HYCC1: variants seen among roughly 807,000 people sequenced by gnomAD.
HYCC1 encodes hyccin.
chr7:23,007,721 T>C, the HYCC1 span, among the ~76,000 whole-genome samples: 1 of 152,148 alleles, frequency 6.6e-6, no homozygotes, highest in Non-Finnish European at 1.5e-5. Context: ...AATATAGCAC[T>C]ATTTTAAAGA....
the HYCC1 span, among the ~76,000 whole-genome samples, chr7:22,951,019 C>CACATGGG: frequency 6.6e-6 from 1 of 151,782 alleles, no homozygotes; most frequent in Admixed American, 6.6e-5. Context: ...GTAAACTCTC[C>CACATGGG]ACATGTAGAA....
At chr7:22,970,751 A>C in the HYCC1 span, among the ~76,000 whole-genome samples, 1 of 152,166 alleles carries the variant, frequency 6.6e-6, no homozygotes, top group Non-Finnish European at 1.5e-5. Context: ...CCTATCTTCA[A>C]GGATATTGTT....
the HYCC1 span, among the ~76,000 whole-genome samples, chr7:22,993,541 AATT>A: frequency 6.6e-6 from 1 of 152,202 alleles, no homozygotes; most frequent in African/African-American, 2.4e-5. Flanking sequence ...GGAACTCATA[AATT>A]ATTAAGAAAA....
At chr7:22,906,460 C>A in the HYCC1 span, among the ~76,000 whole-genome samples, 1 of 151,860 alleles carries the variant, frequency 6.6e-6, no homozygotes, top group Non-Finnish European at 1.5e-5. Context: ...TGTGTGTAAT[C>A]CCAGCTACTT....
the HYCC1 span, among the ~76,000 whole-genome samples, chr7:23,006,023 A>T: frequency 6.6e-6 from 1 of 152,170 alleles, no homozygotes; most frequent in Non-Finnish European, 1.5e-5. Flanking sequence ...CACTACTGTG[A>T]CATATACTGA....
chr7:22,911,529 G>C, the HYCC1 span, among the ~76,000 whole-genome samples: 1 of 152,200 alleles, frequency 6.6e-6, no homozygotes, highest in Non-Finnish European at 1.5e-5. Flanking sequence ...GGAGCCCGAG[G>C]TGGGCGGATC....
the HYCC1 span, among the ~76,000 whole-genome samples, chr7:22,918,294 A>G: frequency 6.6e-6 from 1 of 152,036 alleles, no homozygotes; most frequent in Admixed American, 6.6e-5. Flanking sequence ...TTCATACAAA[A>G]CCATATCCAG....
At chr7:22,920,484 G>T in the HYCC1 span, among the ~76,000 whole-genome samples, 11 of 151,862 alleles carry the variant, frequency 7.2e-5, no homozygotes, top group African/African-American at 2.4e-4. Flanking sequence ...ATGCTGAAAG[G>T]AAAAACAGTC....
chr7:22,960,966 G>C, the HYCC1 span, among the ~76,000 whole-genome samples: 1 of 152,216 alleles, frequency 6.6e-6, no homozygotes, highest in African/African-American at 2.4e-5. Flanking sequence ...CAGGAAAATC[G>C]CTTGAACCCA....
the HYCC1 span, among the ~76,000 whole-genome samples, chr7:22,924,611 GC>G: frequency 6.6e-6 from 1 of 152,218 alleles, no homozygotes; most frequent in Non-Finnish European, 1.5e-5. Context: ...AGATCAAACT[GC>G]AAGGCGGCAG....
chr7:22,905,728 T>C, the HYCC1 span, among the ~76,000 whole-genome samples: 2 of 152,192 alleles, frequency 1.3e-5, no homozygotes, highest in Non-Finnish European at 2.9e-5. Context: ...CATTCTGGTT[T>C]TTCACATAGA....
the HYCC1 span, among the ~76,000 whole-genome samples, chr7:23,006,136 T>G: frequency 6.6e-6 from 1 of 151,774 alleles, no homozygotes; most frequent in Non-Finnish European, 1.5e-5. Flanking sequence ...GAATGGGGAG[T>G]GCAGTCTGGG....
the HYCC1 span, among the ~76,000 whole-genome samples, chr7:22,990,782 T>C: frequency 3.3e-5 from 5 of 152,236 alleles, no homozygotes; most frequent in East Asian, 9.7e-4. Context: ...CGCTGGAGAA[T>C]GACATCAACA....
the HYCC1 span, among the ~76,000 whole-genome samples, chr7:22,988,020 A>C: frequency 6.6e-6 from 1 of 152,252 alleles, no homozygotes; most frequent in African/African-American, 2.4e-5. Context: ...AAAAGTACTT[A>C]GCAGACATGT....
chr7:22,928,253 G>A, the HYCC1 span, among the ~76,000 whole-genome samples: 1 of 152,176 alleles, frequency 6.6e-6, no homozygotes, highest in Non-Finnish European at 1.5e-5. Flanking sequence ...AAAACTGGAA[G>A]CATTTCCTTT....
At chr7:22,955,180 T>G in the HYCC1 span, among the ~76,000 whole-genome samples, 2 of 151,604 alleles carry the variant, frequency 1.3e-5, no homozygotes, top group Non-Finnish European at 3.0e-5. Context: ...CTAAACAAGT[T>G]TAACTCAAAT....
the HYCC1 span, among the ~76,000 whole-genome samples, chr7:23,003,306 G>A: frequency 6.6e-6 from 1 of 151,210 alleles, no homozygotes; most frequent in Non-Finnish European, 1.5e-5. Flanking sequence ...AAATGAATAC[G>A]ACATAGCTGA....
chr7:22,974,146 T>C, the HYCC1 span, among the ~76,000 whole-genome samples: 13 of 152,172 alleles, frequency 8.5e-5, no homozygotes, highest in Admixed American at 4.6e-4. Context: ...TTGGTCCTTA[T>C]ACCCATTTTA....
the HYCC1 span, among the ~76,000 whole-genome samples, chr7:22,921,344 C>T: frequency 1.3e-5 from 2 of 152,238 alleles, no homozygotes; most frequent in Middle Eastern, 6.8e-3. Context: ...CAGATGGTAA[C>T]TCAAACACAC....
Sources: gnomAD v4.1 joint callset for allele counts (sites outside exome capture counted in the v4.1 genomes callset) on GRCh38, gnomAD v4.1.1 for gene constraint, MANE v1.5 for transcripts, NCBI Gene and HGNC (gene_info 2026-07-23, HGNC 2026-07-21) for gene names.